The following DOCK5 variants were observed in gnomAD, a reference collection of about 807,000 sequenced individuals.
DOCK5 encodes the protein dedicator of cytokinesis protein 5.
A neutral mutation model predicts 251.8 loss-of-function variants in DOCK5; 142 were observed. That is an observed-to-expected ratio of 0.56 (90% CI 0.49 to 0.65). DOCK5 has a LOEUF of 0.65. DOCK5 is among the 30% of genes least tolerant of loss of function. DOCK5 has a pLI of 0.00. For missense variants in DOCK5, 2,111 were observed against 2,312.3 expected (o/e 0.91, Z 1.79); for synonymous variants, 842 against 835.5 (o/e 1.01, Z -0.13).
At chr8:25,192,704 G>T (rs1056800692) in intron 1 of DOCK5, among the ~76,000 whole-genome samples, 1 of 152,110 alleles carries the variant, frequency 6.6e-6, no homozygotes, top group Non-Finnish European at 1.5e-5. Context: ...TAGACACAGG[G>T]TTTCACTGTG....
At chr8:25,331,827 G>T (rs1042646814) in intron 18 of DOCK5, among the ~76,000 whole-genome samples, 2 of 148,324 alleles carry the variant, frequency 1.3e-5, no homozygotes, top group African/African-American at 2.5e-5. Flanking sequence ...GAGAGAGAGA[G>T]AGAGAGAGAG....
At chr8:25,194,926 T>C (rs71517805) in intron 1 of DOCK5, among the ~76,000 whole-genome samples, 91,875 of 151,806 alleles carry the variant, frequency 0.61, 31,291 homozygotes, top group Non-Finnish European at 0.76. Flanking sequence ...GGTATTTTTT[T>C]TTTTTTCTTT....
intron 42 of DOCK5, among the ~76,000 whole-genome samples, chr8:25,390,648 G>T (rs1801241025): frequency 6.6e-6 from 1 of 152,126 alleles, no homozygotes. Flanking sequence ...ACAGATCCCT[G>T]AGCTTTTATT....
At chr8:25,365,227 A>T (rs1800755587) in intron 30 of DOCK5, among the ~76,000 whole-genome samples, 1 of 152,228 alleles carries the variant, frequency 6.6e-6, no homozygotes, top group African/African-American at 2.4e-5. Flanking sequence ...ACTTACATGT[A>T]CAGGGCCCTG....
rs1049309911 is a variant in DOCK5 at position 25,336,170 on chromosome 8, G to C, written c.2193-69G>C. On this transcript the variant is annotated intron_variant, in intron 21 of 51. Transcript: ENST00000276440. ...TCCAGGATGCCATGTTCCCCTCTTA[G>C]ATAACTTACCCAAGCCTCAGAGTAT... The C allele has an allele frequency of 3.4e-5, 52 of 1,532,112 alleles. No homozygotes were observed. The African/African-American group carries it at 5.7e-4, about 17-fold the overall frequency. The allele number at this position is 1,532,112 out of a possible 1,614,324, so 94.9% of individuals were successfully genotyped here.
intron 1 of DOCK5, among the ~76,000 whole-genome samples, chr8:25,217,216 A>T (rs1802271068): frequency 6.6e-6 from 1 of 150,518 alleles, no homozygotes; most frequent in Admixed American, 6.7e-5. Flanking sequence ...ATACACATGT[A>T]TACATACAAT....
rs1428181634 is a variant in DOCK5, at chr8:25,351,831, G to A, written c.2850+5G>A. The stretch of plus-strand genomic sequence containing the variant: ...AACCGGCAGTCTCCCCACATCGTGA[G>A]TATCTCTTTGTTGGATCCCACGGCC... On this transcript the variant is annotated splice_donor_5th_base_variant and intron_variant, in intron 27 of 51. Transcript: ENST00000276440. The A allele has an allele frequency of 1.2e-6, 2 of 1,612,858 alleles. No homozygotes were observed. The highest frequency in any genetic ancestry group is 8.5e-7 in the Non-Finnish European group (1 of 1,179,256).
rs149318787 is a variant in DOCK5 at position 25,401,167 on chromosome 8, G to C, written c.4926+101G>C. Reference sequence around the variant, plus strand: ...ATGCCAAGTGAGTTGTAATAACTTAGCTATGGCATGGAAATAGTGAGGCTG... The same window carrying C: ...ATGCCAAGTGAGTTGTAATAACTTACCTATGGCATGGAAATAGTGAGGCTG... On this transcript the variant is annotated intron_variant, in intron 47 of 51. Transcript: ENST00000276440. 55 of 1,496,678 alleles carry C rather than the reference G, an allele frequency of 3.7e-5. No homozygotes were observed. The African/African-American group carries it at 6.6e-4, about 18-fold the overall frequency. The allele number at this position is 1,496,678 out of a possible 1,614,324, so 92.7% of individuals were successfully genotyped here. A position where few individuals can be genotyped will look rare whatever the true frequency, so the allele number is the denominator to read the frequency against.
intron 1 of DOCK5, among the ~76,000 whole-genome samples, chr8:25,191,764 A>T (rs570739144): frequency 2.0e-4 from 28 of 137,756 alleles, no homozygotes; most frequent in East Asian, 6.9e-4. Context: ...TCTTTTTTTT[A>T]AAATTATATA....
Position 25,401,033 on chromosome 8 carries a change from G to C in DOCK5, c.4893G>C (p.Glu1631Asp). 1 of 1,614,036 alleles carries C rather than the reference G, an allele frequency of 6.2e-7. No homozygotes were observed. Among genetic ancestry groups the C allele is most frequent in the Non-Finnish European group, 8.5e-7 (1 of 1,179,896 alleles). Residue 1631 changes from glutamate (E) to aspartate (D), a missense_variant, in exon 47 of 52, where the codon GAG becomes GAC. Transcript: ENST00000276440. ...CTTCTTGCTTCCGGGAACTCAAGGA[G>C]AAAGTAGAAAAGCACTATGGGGTTA... ...RLSSCFRELKEKVEKHYGVIT... is the reference protein window; with the variant it reads ...RLSSCFRELKDKVEKHYGVIT...
chr8:25,332,625 C>T lies in DOCK5; in HGVS notation c.2024C>T (p.Ala675Val), dbSNP rs1370839550. ...CAGTTTTTGCAAGATACACTAGATG[C>T]ACTCTTTAACATAATGATGGAAATG... ...IVKFLQDTLD[A>V]LFNIMMEMSD... The change falls in exon 20 of 52, where the codon GCA becomes GTA. Residue 675 changes from alanine (A) to valine (V), a missense_variant. Transcript: ENST00000276440. 1.2e-6 allele frequency: 2 copies of T among 1,611,606 alleles called. No homozygotes were observed. The highest frequency in any genetic ancestry group is 1.7e-6 in the Non-Finnish European group (2 of 1,179,120).
At chr8:25,271,858 C>G (rs375868818) in intron 3 of DOCK5, among the ~76,000 whole-genome samples, 4 of 152,248 alleles carry the variant, frequency 2.6e-5, no homozygotes, top group African/African-American at 9.6e-5. Flanking sequence ...GCATAGGAGT[C>G]ATTCTATAAG....
At chr8:25,362,452 C>CTTTTTTTT (rs1563216376) in intron 28 of DOCK5, among the ~76,000 whole-genome samples, 6 of 107,078 alleles carry the variant, frequency 5.6e-5, no homozygotes, top group African/African-American at 1.7e-4. Flanking sequence ...CTTTTCTTTT[C>CTTTTTTTT]TTTTCTTTTC....
At chr8:25,257,428 A>G (rs775320877) in intron 2 of DOCK5, among the ~76,000 whole-genome samples, 2 of 152,190 alleles carry the variant, frequency 1.3e-5, no homozygotes, top group Non-Finnish European at 2.9e-5. Flanking sequence ...GGTCCTGTGG[A>G]ATCCTAGTAT....
intron 30 of DOCK5, among the ~76,000 whole-genome samples, chr8:25,366,399 G>A (rs1016698945): frequency 6.6e-6 from 1 of 152,158 alleles, no homozygotes; most frequent in Non-Finnish European, 1.5e-5. Flanking sequence ...GATAAGGCAG[G>A]ACGCTTGAAC....
intron 26 of DOCK5, among the ~76,000 whole-genome samples, chr8:25,347,553 G>T (rs1198648209): frequency 6.6e-6 from 1 of 152,116 alleles, no homozygotes; most frequent in Non-Finnish European, 1.5e-5. Flanking sequence ...TTTTTTAAAA[G>T]TAACTCTTAT....
In DOCK5 at chr8:25,256,103, G is replaced by T. The variant is rs181341188; in HGVS notation, c.127+12346G>T. On this transcript the variant is annotated intron_variant, in intron 2 of 51. Transcript: ENST00000276440. Reference sequence around the variant, plus strand: ...AATAAGAATGGACAAGGCAACACAGGAAAGTTTCTAGTTACAGAAAGATTC... The same window carrying T: ...AATAAGAATGGACAAGGCAACACAGTAAAGTTTCTAGTTACAGAAAGATTC... Among the ~76,000 whole-genome samples, 6 of 152,276 alleles carry T rather than the reference G, an allele frequency of 3.9e-5. No homozygotes were observed. In the East Asian group the frequency reaches 7.7e-4, roughly 20 times the overall value.
At chr8:25,252,150 A>G (rs1014965844) in intron 2 of DOCK5, among the ~76,000 whole-genome samples, 7 of 152,162 alleles carry the variant, frequency 4.6e-5, no homozygotes, top group South Asian at 4.1e-4. Context: ...ACATTCTGTT[A>G]TGCTCTATGA....
chr8:25,204,015 A>G (rs1180124750), intron 1 of DOCK5, among the ~76,000 whole-genome samples: 1 of 152,194 alleles, frequency 6.6e-6, no homozygotes, highest in Admixed American at 6.5e-5. Context: ...TGCTTTTATC[A>G]GCAGCCTTGA....
Sources: allele counts gnomAD v4.1 joint callset (sites outside exome capture counted in the v4.1 genomes callset), GRCh38; gene constraint gnomAD v4.1.1; transcripts MANE v1.5; gene names NCBI Gene and HGNC (gene_info 2026-07-23, HGNC 2026-07-21).